The following ITPK1 variants were observed in gnomAD, a reference collection of about 807,000 sequenced individuals.
ITPK1 encodes inositol 1,3,4-trisphosphate 5/6-kinase.
A neutral mutation model predicts 45.3 loss-of-function variants in ITPK1; 21 were observed. The ratio of observed to expected loss-of-function variants is 0.46; its 90% CI spans 0.33 to 0.67. ITPK1 has a LOEUF of 0.67. Among genes scored for constraint, ITPK1 ranks in the 30% least tolerant of loss-of-function variants. The pLI, the probability that ITPK1 is intolerant of heterozygous loss-of-function variation, is 0.02. For missense variants in ITPK1, 474 were observed against 573.5 expected, an observed-to-expected ratio of 0.83 and a Z score of 1.77; for synonymous variants, 258 against 253.6, an observed-to-expected ratio of 1.02 and a Z score of -0.16.
chr14:92,997,085 G>T (rs939276608), intron 4 of ITPK1, among the ~76,000 whole-genome samples: 1 of 152,200 alleles, frequency 6.6e-6, no homozygotes, highest in Non-Finnish European at 1.5e-5. Context: ...GGCATTCCAG[G>T]TAACGGGAGG....
chr14:93,067,999 G>A (rs1890830130), intron 3 of ITPK1: 1 of 90,158 alleles, frequency 1.1e-5, no homozygotes, highest in South Asian at 5.1e-4. Context: ...GATACAGAGG[G>A]GAGGCAAAAA....
intron 2 of ITPK1, among the ~76,000 whole-genome samples, chr14:93,100,794 A>G (rs947544674): frequency 6.6e-6 from 1 of 152,120 alleles, no homozygotes; most frequent in African/African-American, 2.4e-5. Flanking sequence ...CGAGACCCCA[A>G]TGACTCATCA....
chr14:93,033,695 G>A (rs935572686), intron 3 of ITPK1, among the ~76,000 whole-genome samples: 6 of 152,218 alleles, frequency 3.9e-5, no homozygotes, highest in Non-Finnish European at 5.9e-5. Context: ...AGGAGAAAGA[G>A]GCGCTAGAGA....
rs1887953432 is a variant in ITPK1 at position 93,012,305 on chromosome 14, G to A, written c.246+4371C>T. 6.6e-6 allele frequency among the ~76,000 whole-genome samples: 1 copy of A among 152,210 alleles called. No individual in the cohort carries two copies. Among genetic ancestry groups the A allele is most frequent in the East Asian group, 1.9e-4 (1 of 5,196 alleles). ...TGAAGGAAAAGTGCAAAGTTGGCAG[G>A]GCCTGGGACGAGAGATGTGTCATTA... On this transcript the variant is annotated intron_variant, in intron 4 of 10. Coordinates refer to ENST00000267615, the MANE Select transcript of ITPK1 (RefSeq NM_014216.6). This position sits in a 1 kb window ranked among gnomAD's most constrained non-coding sequence, Gnocchi z 4.9.
In ITPK1 at chr14:93,038,783, T is replaced by TC. The variant is rs983607591; in HGVS notation, c.121-21983dup. On this transcript the variant is annotated intron_variant, in intron 3 of 10. Coordinates refer to ENST00000267615, the MANE Select transcript of ITPK1 (RefSeq NM_014216.6). ...CTCAAGTGATCCACCCGTTTCGGCC[T>TC]CCCAAAGTGCTGGGATTACAGGCGT... 7.2e-5 allele frequency among the ~76,000 whole-genome samples: 11 copies of TC among 152,326 alleles called. No homozygotes were observed. In the South Asian group the frequency reaches 8.3e-4, roughly 11 times the overall value.
chr14:93,056,592 A>C (rs1017672974), intron 3 of ITPK1, among the ~76,000 whole-genome samples: 1 of 152,132 alleles, frequency 6.6e-6, no homozygotes, highest in Admixed American at 6.5e-5. Context: ...CCAGGGTCTT[A>C]AGCAGCTCAG....
At chr14:93,017,522 C>A (rs1245654120) in intron 3 of ITPK1, among the ~76,000 whole-genome samples, 3 of 152,250 alleles carry the variant, frequency 2.0e-5, no homozygotes, top group African/African-American at 7.2e-5. Flanking sequence ...CAACAGTCAG[C>A]GTCACCTGAC....
intron 5 of ITPK1, among the ~76,000 whole-genome samples, chr14:92,991,234 C>T (rs1886772243): frequency 1.3e-5 from 2 of 152,020 alleles, no homozygotes; most frequent in African/African-American, 4.8e-5. Context: ...GGCTCTCTGC[C>T]TCTGCAGCTG....
At chr14:93,096,617 G>A (rs1892091152) in intron 2 of ITPK1, among the ~76,000 whole-genome samples, 1 of 152,166 alleles carries the variant, frequency 6.6e-6, no homozygotes, top group African/African-American at 2.4e-5. Flanking sequence ...AAACAACACA[G>A]GCACCCAGCA....
In ITPK1 at chr14:92,941,573, G is replaced by A. The variant is rs371431254; in HGVS notation, c.1233C>T (p.Ala411=). 1.1e-4 allele frequency: 166 copies of A among 1,535,730 alleles called. 2 individuals carry two copies. The South Asian group carries it at 1.3e-3, about 12-fold the overall frequency. Residue 411 remains alanine (A), a synonymous_variant, in exon 11 of 11, where the codon GCC becomes GCT. Coordinates refer to ENST00000267615, the MANE Select transcript of ITPK1 (RefSeq NM_014216.6). The part of the protein sequence containing the change: ...QHCVASLATK[A]SSQ Reference sequence around the variant, plus strand: ...CCCGGCTCCGTGGCTACTGGGAGGAGGCCTTGGTGGCCAGGGAGGCCACAC... The same window carrying A: ...CCCGGCTCCGTGGCTACTGGGAGGAAGCCTTGGTGGCCAGGGAGGCCACAC...
chr14:92,941,867 C>T lies in ITPK1; in HGVS notation c.939G>A (p.Leu313=). ...CCTGCAGGACAGTGGCGATGTGGTT[C>T]AGGAGGTCTGTGAAGAACTCGCTCA... The part of the protein sequence containing the change: ...EGVSEFFTDL[L]NHIATVLQGQ... The change falls in exon 11 of 11, where the codon CTG becomes CTA. Residue 313 remains leucine (L), a synonymous_variant. Transcript: ENST00000267615. The T allele has an allele frequency of 6.2e-7, 1 of 1,612,686 alleles. No individual in the cohort carries two copies. The highest frequency in any genetic ancestry group is 8.5e-7 in the Non-Finnish European group (1 of 1,179,964).
chr14:93,089,826 A>G (rs1231369468), intron 2 of ITPK1, among the ~76,000 whole-genome samples: 3 of 152,172 alleles, frequency 2.0e-5, no homozygotes, highest in Non-Finnish European at 4.4e-5. Flanking sequence ...ACAGTCCCCA[A>G]ACAGCTGGAA....
intron 3 of ITPK1, among the ~76,000 whole-genome samples, chr14:93,017,689 G>A (rs1888256876): frequency 6.6e-6 from 1 of 152,348 alleles, no homozygotes; most frequent in South Asian, 2.1e-4. Flanking sequence ...CCCCAATCTG[G>A]CCTTAGCAGA....
chr14:93,052,810 C>T (rs1890070716), intron 3 of ITPK1, among the ~76,000 whole-genome samples: 1 of 152,148 alleles, frequency 6.6e-6, no homozygotes, highest in African/African-American at 2.4e-5. Context: ...GGAAAGGGGC[C>T]GGGCACAATC....
chr14:93,062,328 GC>G (rs1468938498), intron 3 of ITPK1, among the ~76,000 whole-genome samples: 6 of 152,014 alleles, frequency 3.9e-5, no homozygotes, highest in Non-Finnish European at 5.9e-5. Context: ...TACTAAGAAG[GC>G]TGAGGTGGGA....
At chr14:92,976,568 A>G (rs1025682977) in intron 5 of ITPK1, among the ~76,000 whole-genome samples, 4 of 152,274 alleles carry the variant, frequency 2.6e-5, no homozygotes, top group Admixed American at 2.0e-4. Context: ...ATGAAGGCTC[A>G]TAGAGATGAC....
At chr14:93,090,213 C>A (rs1323985373) in intron 2 of ITPK1, among the ~76,000 whole-genome samples, 1 of 152,132 alleles carries the variant, frequency 6.6e-6, no homozygotes, top group African/African-American at 2.4e-5. Flanking sequence ...GCACACCGGG[C>A]TTCCTGCCGT....
At chr14:93,075,778 AGCT>A (rs1376437366) in intron 3 of ITPK1, among the ~76,000 whole-genome samples, 1 of 152,132 alleles carries the variant, frequency 6.6e-6, no homozygotes, top group East Asian at 1.9e-4. Context: ...TCTAGTCCCC[AGCT>A]TGAGTTCCCC....
intron 3 of ITPK1, among the ~76,000 whole-genome samples, chr14:93,039,135 C>T (rs555325339): frequency 1.6e-3 from 240 of 152,278 alleles, no homozygotes; most frequent in African/African-American, 5.7e-3. Flanking sequence ...CTCAAGAGCC[C>T]ACCACTGACT....
Sources: allele counts gnomAD v4.1 joint callset (sites outside exome capture counted in the v4.1 genomes callset), GRCh38; gene constraint gnomAD v4.1.1; non-coding constraint Gnocchi (gnomAD v3.1); transcripts MANE v1.5; gene names NCBI Gene and HGNC (gene_info 2026-07-23, HGNC 2026-07-21).